The following PTPRD variants were observed in gnomAD, a reference collection of about 807,000 sequenced individuals.
PTPRD encodes receptor-type tyrosine-protein phosphatase delta.
PTPRD carries 34 observed loss-of-function variants against 214.5 expected under a neutral mutation model. The observed-to-expected ratio is 0.16, with a 90% CI of 0.12 to 0.21. PTPRD has a LOEUF of 0.21. Ranked by LOEUF, PTPRD falls within the 10% of genes least tolerant of loss-of-function variation. PTPRD has a pLI of 1.00. For missense variants in PTPRD, 2,545 were observed against 2,398.7 expected, an observed-to-expected ratio of 1.06 and a Z score of -1.27; for synonymous variants, 1,128 against 845.7, an observed-to-expected ratio of 1.33 and a Z score of -5.79.
At chr9:8,654,400 G>C (rs899336641) in intron 12 of PTPRD, among the ~76,000 whole-genome samples, 1 of 152,056 alleles carries the variant, frequency 6.6e-6, no homozygotes, top group Non-Finnish European at 1.5e-5. Context: ...ATATTACAAC[G>C]CTCACCAAGG....
At chr9:10,485,947 G>T (rs1186367460) in intron 2 of PTPRD, among the ~76,000 whole-genome samples, 2 of 151,762 alleles carry the variant, frequency 1.3e-5, no homozygotes, top group African/African-American at 2.4e-5. Flanking sequence ...CAGTAATGTT[G>T]AGCTTCTTTC....
chr9:9,664,075 T>C (rs567407026), intron 7 of PTPRD, among the ~76,000 whole-genome samples: 16 of 138,838 alleles, frequency 1.2e-4, no homozygotes, highest in African/African-American at 3.9e-4. Context: ...ATACAAACAT[T>C]TACACTCCTG....
chr9:10,428,676 A>G (rs1189129296), intron 2 of PTPRD, among the ~76,000 whole-genome samples: 6 of 152,092 alleles, frequency 3.9e-5, no homozygotes, highest in Admixed American at 3.9e-4. Flanking sequence ...AAAATTACTC[A>G]GTTGCAAAAA....
At chr9:9,500,439 GC>G in intron 8 of PTPRD, among the ~76,000 whole-genome samples, 1 of 152,196 alleles carries the variant, frequency 6.6e-6, no homozygotes, top group Admixed American at 6.6e-5. Flanking sequence ...GGAAGGTACA[GC>G]TAAAGAACAC....
At chr9:9,484,351 T>C (rs759146983) in intron 8 of PTPRD, among the ~76,000 whole-genome samples, 6 of 152,016 alleles carry the variant, frequency 3.9e-5, no homozygotes, top group Non-Finnish European at 7.4e-5. Flanking sequence ...AGAATAGACA[T>C]GGTAATAGAA....
At chr9:9,479,228 C>CCCCCCCCACA (rs1436842502) in intron 8 of PTPRD, among the ~76,000 whole-genome samples, 1 of 110,460 alleles carries the variant, frequency 9.1e-6, no homozygotes, top group African/African-American at 3.6e-5. Context: ...CCCCCCCCCC[C>CCCCCCCCACA]CACACACACA....
At chr9:9,877,255 T>C (rs928764167) in intron 5 of PTPRD, among the ~76,000 whole-genome samples, 2 of 152,142 alleles carry the variant, frequency 1.3e-5, no homozygotes, top group African/African-American at 4.8e-5. Context: ...ATAAAACAGA[T>C]AGTGACCCAA....
intron 44 of PTPRD, among the ~76,000 whole-genome samples, chr9:8,327,886 T>A (rs2131324753): frequency 6.6e-6 from 1 of 152,316 alleles, no homozygotes; most frequent in African/African-American, 2.4e-5. Flanking sequence ...CCTCCATCCC[T>A]TTATTTTGAG....
intron 2 of PTPRD, among the ~76,000 whole-genome samples, chr9:10,398,313 C>T (rs954225437): frequency 4.0e-5 from 6 of 151,638 alleles, no homozygotes; most frequent in South Asian, 2.1e-4. Flanking sequence ...TCCCGAAGTT[C>T]GAGGCTGTAG....
intron 5 of PTPRD, among the ~76,000 whole-genome samples, chr9:9,778,991 G>T (rs2098821395): frequency 7.1e-6 from 1 of 141,840 alleles, no homozygotes; most frequent in Non-Finnish European, 1.5e-5. Flanking sequence ...CATGATACTG[G>T]TACAAAAACA....
Position 10,605,807 on chromosome 9 carries a change from G to A in PTPRD, c.-600+6591C>T, listed in dbSNP as rs186519095. On this transcript the variant is annotated intron_variant, in intron 2 of 45. Transcript: ENST00000381196. ...GGTAGTTTCAAATTGCTAGCACATG[G>A]CTGTTTTACTCAGCACTCCTTGACA... Among the ~76,000 whole-genome samples the A allele has an allele frequency of 7.2e-5, 11 of 151,832 alleles. No homozygotes were observed. In the East Asian group the frequency reaches 2.1e-3, roughly 29 times the overall value.
intron 36 of PTPRD, among the ~76,000 whole-genome samples, chr9:8,395,847 T>C (rs903489265): frequency 1.3e-5 from 2 of 152,068 alleles, no homozygotes; most frequent in East Asian, 3.9e-4. Flanking sequence ...GATTGAACTA[T>C]CTTTGAATAC....
chr9:9,298,929 A>C (rs1280455349), intron 9 of PTPRD, among the ~76,000 whole-genome samples: 1 of 151,876 alleles, frequency 6.6e-6, no homozygotes, highest in East Asian at 1.9e-4. Flanking sequence ...AGCATGAAAT[A>C]AAAGGAGTCT....
chr9:8,929,447 C>T (rs536900966), intron 11 of PTPRD, among the ~76,000 whole-genome samples: 1 of 152,004 alleles, frequency 6.6e-6, no homozygotes, highest in South Asian at 2.1e-4. Flanking sequence ...TGGAGATAAT[C>T]ATGTGGTTTT....
At chr9:10,456,373 C>T (rs2098917390) in intron 2 of PTPRD, among the ~76,000 whole-genome samples, 1 of 151,824 alleles carries the variant, frequency 6.6e-6, no homozygotes, top group African/African-American at 2.4e-5. Context: ...CATGCAATCA[C>T]TAAGCATGAT....
At chr9:9,122,496 T>C (rs1228264324) in intron 10 of PTPRD, among the ~76,000 whole-genome samples, 1 of 152,184 alleles carries the variant, frequency 6.6e-6, no homozygotes, top group Non-Finnish European at 1.5e-5. Flanking sequence ...TCTATTTTTT[T>C]CCTTTTTAGT....
chr9:8,377,174 T>C (rs955678443), intron 37 of PTPRD, among the ~76,000 whole-genome samples: 1 of 152,088 alleles, frequency 6.6e-6, no homozygotes, highest in Non-Finnish European at 1.5e-5. Flanking sequence ...TAAAGAAAAG[T>C]AGAAATAATT....
Position 9,309,351 on chromosome 9 carries a change from C to T in PTPRD, c.-203+88098G>A, listed in dbSNP as rs554757864. Among the ~76,000 whole-genome samples the T allele has an allele frequency of 2.7e-5, 4 of 150,414 alleles. No individual in the cohort carries two copies. The East Asian group carries it at 7.8e-4, about 29-fold the overall frequency. On this transcript the variant is annotated intron_variant, in intron 9 of 45. Coordinates refer to ENST00000381196, the MANE Select transcript of PTPRD (RefSeq NM_002839.4). ...GCAAACAAACCAACAACAAAAAAAACAAAGAATGTAATCTTTCAGGAGAAT... is the reference window on the plus strand; with the variant it reads ...GCAAACAAACCAACAACAAAAAAAATAAAGAATGTAATCTTTCAGGAGAAT...
chr9:9,116,253 T>A (rs938211328), intron 10 of PTPRD, among the ~76,000 whole-genome samples: 3 of 152,062 alleles, frequency 2.0e-5, no homozygotes, highest in African/African-American at 7.2e-5. Flanking sequence ...GGTGTGTATA[T>A]AAATATATAC....
Sources: gnomAD v4.1 joint callset for allele counts (sites outside exome capture counted in the v4.1 genomes callset) on GRCh38, gnomAD v4.1.1 for gene constraint, MANE v1.5 for transcripts, NCBI Gene and HGNC (gene_info 2026-07-23, HGNC 2026-07-21) for gene names.